TUSC3: variants seen among roughly 807,000 people sequenced by gnomAD.
The protein encoded by TUSC3 is dolichyl-diphosphooligosaccharide--protein glycosyltransferase subunit TUSC3.
TUSC3 carries 45 observed loss-of-function variants against 44.8 expected under a neutral mutation model. The observed-to-expected ratio is 1.00, with a 90% CI of 0.79 to 1.29. The LOEUF (loss-of-function observed/expected upper bound fraction) is 1.29, where lower values mean the gene tolerates loss of function less well. TUSC3 is among the 50% of genes most tolerant of loss of function. The probability of loss-of-function intolerance (pLI) is 0.00; values close to 1 mark genes in which losing one functional copy is unlikely to be tolerated. For synonymous variants in TUSC3, 212 were observed against 152.9 expected (o/e 1.39, Z -2.85); for missense variants, 519 against 437.9 (o/e 1.19, Z -1.65).
intron 1 of TUSC3, among the ~76,000 whole-genome samples, chr8:15,448,040 T>C (rs1335668724): frequency 1.3e-5 from 2 of 149,170 alleles, no homozygotes; most frequent in Non-Finnish European, 3.0e-5. Context: ...GTGGCTACCG[T>C]ATCACACAGC....
intron 6 of TUSC3, among the ~76,000 whole-genome samples, chr8:15,718,747 C>T (rs1810168113): frequency 6.6e-6 from 1 of 151,812 alleles, no homozygotes; most frequent in South Asian, 2.1e-4. Context: ...TTCATATATC[C>T]TCAGTTGAAC....
intron 2 of TUSC3, among the ~76,000 whole-genome samples, chr8:15,488,010 T>C (rs1459588124): frequency 6.6e-6 from 1 of 151,828 alleles, no homozygotes; most frequent in African/African-American, 2.4e-5. Flanking sequence ...ATATAGGCAG[T>C]GTGGTCTCCA....
intron 1 of TUSC3, among the ~76,000 whole-genome samples, chr8:15,419,282 G>A (rs184839140): frequency 6.6e-6 from 1 of 152,322 alleles, no homozygotes; most frequent in African/African-American, 2.4e-5. Context: ...GTTTTAATTA[G>A]AGAGAAAAAC....
chr8:15,636,313 G>A (rs1243358535), intron 2 of TUSC3, among the ~76,000 whole-genome samples: 1 of 152,082 alleles, frequency 6.6e-6, no homozygotes, highest in Non-Finnish European at 1.5e-5. Context: ...GCAGAGTTAG[G>A]GATAAAGTTT....
intron 2 of TUSC3, among the ~76,000 whole-genome samples, chr8:15,522,646 T>A (rs1049349135): frequency 2.0e-5 from 3 of 151,666 alleles, no homozygotes; most frequent in African/African-American, 7.3e-5. Context: ...CCTCCCAAGA[T>A]AGGGGCTGTT....
At chr8:15,724,718 A>C (rs1347763114) in intron 6 of TUSC3, among the ~76,000 whole-genome samples, 1 of 152,190 alleles carries the variant, frequency 6.6e-6, no homozygotes, top group Non-Finnish European at 1.5e-5. Flanking sequence ...TAAAGGACTG[A>C]AACAGGCTGA....
At chr8:15,814,553 T>G in the TUSC3 span, among the ~76,000 whole-genome samples, 1 of 152,242 alleles carries the variant, frequency 6.6e-6, no homozygotes, top group Non-Finnish European at 1.5e-5. Context: ...TTTAGGTGAT[T>G]GAATTTGCTT....
At chr8:15,572,015 G>C (rs1802897514) in intron 1 of TUSC3, among the ~76,000 whole-genome samples, 1 of 152,102 alleles carries the variant, frequency 6.6e-6, no homozygotes, top group Non-Finnish European at 1.5e-5. Context: ...CTGGACCTTA[G>C]GCTTTTCGGA....
chr8:15,589,781 A>G (rs1803746924), intron 1 of TUSC3, among the ~76,000 whole-genome samples: 1 of 152,188 alleles, frequency 6.6e-6, no homozygotes, highest in Non-Finnish European at 1.5e-5. Flanking sequence ...AACTTAAGTA[A>G]TATAGTCAGT....
intron 1 of TUSC3, among the ~76,000 whole-genome samples, chr8:15,428,210 A>G (rs1373183065): frequency 4.1e-5 from 6 of 146,240 alleles, no homozygotes; most frequent in African/African-American, 1.5e-4. Flanking sequence ...ATGAGTGAGA[A>G]CATGTGGTGT....
At chr8:15,605,694 T>TA (rs1804491220) in intron 1 of TUSC3, among the ~76,000 whole-genome samples, 1 of 151,942 alleles carries the variant, frequency 6.6e-6, no homozygotes, top group Non-Finnish European at 1.5e-5. Context: ...TACCATAAGA[T>TA]ATACACAAAT....
At chr8:15,602,871 AAGT>A in intron 1 of TUSC3, among the ~76,000 whole-genome samples, 1 of 151,722 alleles carries the variant, frequency 6.6e-6, no homozygotes, top group South Asian at 2.1e-4. Flanking sequence ...GGAAAAGTAA[AAGT>A]AGATTATTAC....
intron 2 of TUSC3, among the ~76,000 whole-genome samples, chr8:15,488,203 T>C (rs1398410944): frequency 6.6e-6 from 1 of 152,076 alleles, no homozygotes; most frequent in Non-Finnish European, 1.5e-5. Flanking sequence ...TACACTTATT[T>C]ATCTCTAAAG....
In TUSC3 at chr8:15,642,413, T is replaced by C. The variant is rs183340890; in HGVS notation, c.309-8284T>C. The stretch of plus-strand genomic sequence containing the variant: ...AAATGAAGATAAATATGAATAAATA[T>C]ACGAAAGGGTTCCTGGCATACACTA... On this transcript the variant is annotated intron_variant, in intron 2 of 10. Coordinates refer to ENST00000503731, the MANE Select transcript of TUSC3 (RefSeq NM_006765.4). Among the ~76,000 whole-genome samples the C allele has an allele frequency of 5.4e-4, 83 of 152,302 alleles. 1 individual carries two copies. The highest frequency in any genetic ancestry group is 3.4e-3 in the Middle Eastern group (1 of 294).
chr8:15,557,802 G>A (rs1001320086), intron 1 of TUSC3, among the ~76,000 whole-genome samples: 1 of 135,804 alleles, frequency 7.4e-6, no homozygotes, highest in African/African-American at 2.7e-5. Context: ...TTGGCTCTCC[G>A]TTTGTCTGTT....
intron 1 of TUSC3, among the ~76,000 whole-genome samples, chr8:15,453,600 C>T (rs1462603221): frequency 6.6e-6 from 1 of 151,956 alleles, no homozygotes; most frequent in East Asian, 1.9e-4. Context: ...TCAACAAATG[C>T]ATAAATGCAT....
At chr8:15,497,274 G>T (rs369857703) in intron 2 of TUSC3, among the ~76,000 whole-genome samples, 2 of 152,154 alleles carry the variant, frequency 1.3e-5, no homozygotes, top group African/African-American at 4.8e-5. Flanking sequence ...TTCCCACCGG[G>T]TGATTTAAAG....
intron 7 of TUSC3, among the ~76,000 whole-genome samples, chr8:15,735,539 A>G (rs1187189852): frequency 6.6e-6 from 1 of 152,186 alleles, no homozygotes; most frequent in African/African-American, 2.4e-5. Flanking sequence ...AAAACTTTTA[A>G]CCCATTGTTT....
chr8:15,665,952 C>T (rs552221363), intron 5 of TUSC3, among the ~76,000 whole-genome samples: 2 of 151,302 alleles, frequency 1.3e-5, no homozygotes, highest in South Asian at 2.1e-4. Flanking sequence ...TCCCTCACCC[C>T]CTAAACACGG....
Sources: allele counts gnomAD v4.1 joint callset (sites outside exome capture counted in the v4.1 genomes callset), GRCh38; gene constraint gnomAD v4.1.1; transcripts MANE v1.5; gene names NCBI Gene and HGNC (gene_info 2026-07-23, HGNC 2026-07-21).